ATP2A3: variants seen among roughly 807,000 people sequenced by gnomAD.
The protein encoded by ATP2A3 is sarcoplasmic/endoplasmic reticulum calcium ATPase 3.
ATP2A3 carries 61 observed loss-of-function variants against 106.8 expected under a neutral mutation model. The observed-to-expected ratio is 0.57, with a 90% CI of 0.46 to 0.71. The LOEUF (loss-of-function observed/expected upper bound fraction) is 0.71. ATP2A3 is among the 30% of genes least tolerant of loss of function. The pLI is 0.00. For synonymous variants in ATP2A3, 611 were observed against 609.3 expected (o/e 1.00, Z -0.04); for missense variants, 1,201 against 1,423.5 (o/e 0.84, Z 2.52).
rs568107840 is a variant in ATP2A3, at chr17:3,954,634, T to C, written c.119-924A>G. ...GCCTTAGCCTCCTGAGTAGCTGGGA[T>C]TACAGGCACGCGGCACCACGCCCGG... is the stretch of plus-strand genomic sequence containing the variant. On this transcript the variant is annotated intron_variant, in intron 1 of 20. Coordinates refer to ENST00000397041, the MANE Select transcript of ATP2A3 (RefSeq NM_005173.4). 4.6e-5 allele frequency among the ~76,000 whole-genome samples: 7 copies of C among 151,928 alleles called. No homozygotes were observed. The South Asian group carries it at 8.3e-4, about 18-fold the overall frequency.
chr17:3,937,345 C>T, intron 15 of ATP2A3, 71 bp downstream of exon 15: 1 of 1,515,522 alleles, frequency 6.6e-7, no homozygotes, highest in South Asian at 1.2e-5. Flanking sequence ...ATCCGAGGAA[C>T]AGGCGTTTTC....
At position 3,926,203 on chromosome 17, in the gene ATP2A3, C is replaced by T. The variant is rs2052699145; in HGVS notation, c.2981-762G>A. Among the ~76,000 whole-genome samples, 1 of 152,204 alleles carries T rather than the reference C, an allele frequency of 6.6e-6. No individual in the cohort carries two copies. Among genetic ancestry groups the T allele is most frequent in the Non-Finnish European group, 1.5e-5 (1 of 68,036 alleles). Reference sequence around the variant, plus strand: ...ACATAAATCACGGGGAAGCCACAAGCATCAGGCTTCAGAAAAACTTCCCTA... The same window carrying T: ...ACATAAATCACGGGGAAGCCACAAGTATCAGGCTTCAGAAAAACTTCCCTA... On this transcript the variant is annotated intron_variant, in intron 20 of 20. Transcript: ENST00000397041. This position sits in a 1 kb window ranked among gnomAD's most constrained non-coding sequence, Gnocchi z 4.6.
rs1339153556 is a variant in ATP2A3, at chr17:3,926,500, T to C, written c.2981-1059A>G. Among the ~76,000 whole-genome samples the C allele has an allele frequency of 6.6e-6, 1 of 152,150 alleles. No homozygotes were observed. The highest frequency in any genetic ancestry group is 2.4e-5 in the African/African-American group (1 of 41,438). On this transcript the variant is annotated intron_variant, in intron 20 of 20. Coordinates refer to ENST00000397041, the MANE Select transcript of ATP2A3 (RefSeq NM_005173.4). The surrounding 1 kb of genome is among the most constrained non-coding windows in gnomAD (Gnocchi z 4.6). ...CTCAAGGAGGTGGAGGTGGAGGTGC[T>C]TTCTGGGGCCAGCTCCCCAGATCTG...
At chr17:3,950,636 C>G (rs375016817) in intron 6 of ATP2A3, 40 bp from the exon 7 acceptor site, 39 of 1,613,638 alleles carry the variant, frequency 2.4e-5, no homozygotes, top group Non-Finnish European at 2.9e-5. Flanking sequence ...CACATGAAGA[C>G]ACGCCCATCC....
chr17:3,952,774 T>G (rs2054524068), intron 3 of ATP2A3, among the ~76,000 whole-genome samples: 1 of 152,210 alleles, frequency 6.6e-6, no homozygotes, highest in Admixed American at 6.5e-5. Flanking sequence ...GTATTTTTTG[T>G]AGAGACAGGG....
At chr17:3,964,041 A>C in intron 1 of ATP2A3, 133 bp downstream of exon 1, 1 of 362,088 alleles carries the variant, frequency 2.8e-6, no homozygotes, top group Non-Finnish European at 4.1e-6. Flanking sequence ...CGGGTGCCCC[A>C]GGAGCATCCG....
intron 1 of ATP2A3, among the ~76,000 whole-genome samples, chr17:3,963,081 G>T (rs1422744322): frequency 6.6e-6 from 1 of 152,230 alleles, no homozygotes; most frequent in South Asian, 2.1e-4. Context: ...TTATATAAGA[G>T]GTGGTTTTCA....
chr17:3,952,948 A>C (rs1179957433), intron 3 of ATP2A3, among the ~76,000 whole-genome samples: 2 of 152,188 alleles, frequency 1.3e-5, no homozygotes, highest in Admixed American at 1.3e-4. Context: ...TCTTGTGGGT[A>C]GAGTCCAGGT....
At chr17:3,951,532 G>A (rs1258862940) in intron 4 of ATP2A3, 49 bp downstream of exon 4, 3 of 1,551,058 alleles carry the variant, frequency 1.9e-6, no homozygotes, top group Middle Eastern at 2.3e-4. Flanking sequence ...GGCACTCCTA[G>A]TGGCTGGGAG....
chr17:3,964,317 T>C lies in ATP2A3; in HGVS notation c.-26A>G. Reference sequence around the variant, plus strand: ...GCCGCCCGCCCGGCCGTCTGCGCCGTCCGCACCGTCGAGGCCGCCTCTCCG... The same window carrying C: ...GCCGCCCGCCCGGCCGTCTGCGCCGCCCGCACCGTCGAGGCCGCCTCTCCG... On this transcript the variant is annotated 5_prime_UTR_variant, in exon 1 of 21. Transcript: ENST00000397041. The C allele has an allele frequency of 1.7e-6, 2 of 1,186,126 alleles. No individual in the cohort carries two copies. The highest frequency in any genetic ancestry group is 1.1e-6 in the Non-Finnish European group (1 of 945,874). The allele number at this position is 1,186,126 out of a possible 1,614,324, so 73.5% of individuals were successfully genotyped here.
chr17:3,955,845 C>T lies in ATP2A3; in HGVS notation c.119-2135G>A, dbSNP rs148077053. On this transcript the variant is annotated intron_variant, in intron 1 of 20. Coordinates refer to ENST00000397041, the MANE Select transcript of ATP2A3 (RefSeq NM_005173.4). This position sits in a 1 kb window ranked among gnomAD's most constrained non-coding sequence, Gnocchi z 4.2. ...CCATGATGCCTCCTGCCTGCCCCGG[C>T]TGGTCTCTCAAGTTCTCCTTTCTCT... Among the ~76,000 whole-genome samples, 1 of 152,286 alleles carries T rather than the reference C, an allele frequency of 6.6e-6. No homozygotes were observed. Among genetic ancestry groups the T allele is most frequent in the Non-Finnish European group, 1.5e-5 (1 of 68,018 alleles).
rs571605387 is a variant in ATP2A3 at position 3,950,664 on chromosome 17, AG to A, written c.544+28del. The stretch of plus-strand genomic sequence containing the variant: ...GCCCATCCCTTAGTCCTGGCCCACT[AG>A]GTCCCGGCCTCCTGGGGGGGGCCTC... On this transcript the variant is annotated intron_variant, in intron 6 of 20. Transcript: ENST00000397041. 7.7e-5 allele frequency: 124 copies of A among 1,613,578 alleles called. No homozygotes were observed. In the South Asian group the frequency reaches 1.2e-3, roughly 16 times the overall value.
intron 1 of ATP2A3, among the ~76,000 whole-genome samples, chr17:3,957,037 G>C (rs1006437296): frequency 3.3e-5 from 5 of 152,208 alleles, no homozygotes; most frequent in Non-Finnish European, 5.9e-5. Flanking sequence ...GCCAAGCAAT[G>C]TACCAGGTGC....
Position 3,928,783 on chromosome 17 carries a change from G to T in ATP2A3, c.2863-3C>A. ...AGTGGGGTCACCTGGAAAATGAGCT[G>T]GCGGGGAGGGGAAGGGAGGTTTGGT... On this transcript the variant is annotated splice_region_variant and splice_polypyrimidine_tract_variant and intron_variant, in intron 19 of 20. Transcript: ENST00000397041. This position sits in a 1 kb window ranked among gnomAD's most constrained non-coding sequence, Gnocchi z 6.1. 6.4e-7 allele frequency: 1 copy of T among 1,553,096 alleles called. No homozygotes were observed. Among genetic ancestry groups the T allele is most frequent in the East Asian group, 2.4e-5 (1 of 41,234 alleles).
Position 3,936,159 on chromosome 17 carries a change from T to C in ATP2A3, c.2524+108A>G, listed in dbSNP as rs2053430096. On this transcript the variant is annotated intron_variant, in intron 16 of 20. Transcript: ENST00000397041. This position sits in a 1 kb window ranked among gnomAD's most constrained non-coding sequence, Gnocchi z 5.4. ...TTTTCCATTACATGAGCTCATACAG[T>C]TTCTACTGGCACAAGCCAGGCTGAG... 7 of 1,412,986 alleles carry C rather than the reference T, an allele frequency of 5.0e-6. 1 individual carries two copies. In the South Asian group the frequency reaches 8.1e-5, roughly 16 times the overall value. The allele number at this position is 1,412,986 out of a possible 1,614,324, so 87.5% of individuals were successfully genotyped here. A position where few individuals can be genotyped will look rare whatever the true frequency, so the allele number is the denominator to read the frequency against.
Position 3,929,212 on chromosome 17 carries a change from T to C in ATP2A3, c.2862+116A>G. ...TGGAGGTGGTGGCTGGCCAGACCTC[T>C]CACCTCCCTCTCCTCCAGGTAGTTT... On this transcript the variant is annotated intron_variant, in intron 19 of 20. Coordinates refer to ENST00000397041, the MANE Select transcript of ATP2A3 (RefSeq NM_005173.4). This position sits in a 1 kb window ranked among gnomAD's most constrained non-coding sequence, Gnocchi z 4.3. 1 of 997,276 alleles carries C rather than the reference T, an allele frequency of 1.0e-6. No homozygotes were observed. Among genetic ancestry groups the C allele is most frequent in the Non-Finnish European group, 1.5e-6 (1 of 676,120 alleles). 61.8% of individuals were successfully genotyped at this position (997,276 alleles called of 1,614,324 possible).
At position 3,929,281 on chromosome 17, in the gene ATP2A3, C is replaced by G. The variant is rs1475501033; in HGVS notation, c.2862+47G>C. On this transcript the variant is annotated intron_variant, in intron 19 of 20. Transcript: ENST00000397041. The surrounding 1 kb of genome is among the most constrained non-coding windows in gnomAD (Gnocchi z 4.3). ...AGAGGTCCAGTGACCAGCCCAGGGCCTGTGATGTCCAGGGACCAGGGCAGT... is the reference window on the plus strand; with the variant it reads ...AGAGGTCCAGTGACCAGCCCAGGGCGTGTGATGTCCAGGGACCAGGGCAGT... The G allele has an allele frequency of 6.7e-7, 1 of 1,493,280 alleles. No individual in the cohort carries two copies. The highest frequency in any genetic ancestry group is 1.2e-5 in the South Asian group (1 of 82,654). The allele number at this position is 1,493,280 out of a possible 1,614,324, so 92.5% of individuals were successfully genotyped here. A position where few individuals can be genotyped will look rare whatever the true frequency, so the allele number is the denominator to read the frequency against.
intron 1 of ATP2A3, among the ~76,000 whole-genome samples, chr17:3,958,849 A>AATAT (rs775662160): frequency 0.011 from 947 of 84,190 alleles, 72 homozygotes; most frequent in African/African-American, 0.039. Flanking sequence ...CACATATATA[A>AATAT]ATATATATAT....
rs1000457153 is a variant in ATP2A3 at position 3,936,678 on chromosome 17, G to C, written c.2322-209C>G. 5 of 612,222 alleles carry C rather than the reference G, an allele frequency of 8.2e-6. No individual in the cohort carries two copies. The African/African-American group carries it at 9.1e-5, about 11-fold the overall frequency. The allele number at this position is 612,222 out of a possible 1,614,324, so 37.9% of individuals were successfully genotyped here. On this transcript the variant is annotated intron_variant, in intron 15 of 20. Coordinates refer to ENST00000397041, the MANE Select transcript of ATP2A3 (RefSeq NM_005173.4). The surrounding 1 kb of genome is among the most constrained non-coding windows in gnomAD (Gnocchi z 5.4). ...TCCTGCCTTCCCCAGTCCCAGCTCT[G>C]GATCCTGGACATACCTGCTCTTTAG...
Sources: allele counts gnomAD v4.1 joint callset (sites outside exome capture counted in the v4.1 genomes callset), GRCh38; gene constraint gnomAD v4.1.1; non-coding constraint Gnocchi (gnomAD v3.1); transcripts MANE v1.5; gene names NCBI Gene and HGNC (gene_info 2026-07-23, HGNC 2026-07-21).